Variants in DNAL1 observed in about 807,000 individuals in gnomAD.
DNAL1 encodes dynein axonemal light chain 1, also known as chromosome 14 open reading frame 168.
Under a neutral mutation model 29.4 loss-of-function variants are expected in DNAL1, and 17 were observed. The ratio of observed to expected loss-of-function variants is 0.58; its 90% CI spans 0.40 to 0.87. The LOEUF (loss-of-function observed/expected upper bound fraction) is 0.87, where lower values mean the gene tolerates loss of function less well. DNAL1 is among the 40% of genes least tolerant of loss of function. DNAL1 has a pLI of 0.00. For synonymous variants in DNAL1, 78 were observed against 76.3 expected, an observed-to-expected ratio of 1.02 and a Z score of -0.12; for missense variants, 188 against 214.1, an observed-to-expected ratio of 0.88 and a Z score of 0.76.
At chr14:73,685,489 T>A (rs1247303743) in intron 5 of DNAL1, among the ~76,000 whole-genome samples, 1 of 150,586 alleles carries the variant, frequency 6.6e-6, no homozygotes, top group African/African-American at 2.5e-5. Flanking sequence ...AGACTGAGTC[T>A]CACTGTATCG....
At chr14:73,670,305 T>C (rs1206837901) in intron 4 of DNAL1, among the ~76,000 whole-genome samples, 1 of 152,212 alleles carries the variant, frequency 6.6e-6, no homozygotes, top group African/African-American at 2.4e-5. Flanking sequence ...TATTAAGCAC[T>C]ATGAAATGTG....
At chr14:73,669,951 A>G (rs1191527966) in intron 4 of DNAL1, among the ~76,000 whole-genome samples, 5 of 151,740 alleles carry the variant, frequency 3.3e-5, no homozygotes, top group African/African-American at 1.2e-4. Context: ...AAATAAATTG[A>G]AGTTATATAT....
At chr14:73,678,481 T>G (rs980369070) in intron 5 of DNAL1, among the ~76,000 whole-genome samples, 1 of 151,376 alleles carries the variant, frequency 6.6e-6, no homozygotes, top group Non-Finnish European at 1.5e-5. Flanking sequence ...CTCAGTTATG[T>G]AAAGTATTCA....
rs8003105 is a variant in DNAL1 at position 73,696,142 on chromosome 14, C to G, written c.*200C>G. ...ACTGGTAATGCCAACCTTATATATC[C>G]TATTTCTCTTTTTAGAAACCACAAA... On this transcript the variant is annotated 3_prime_UTR_variant, in exon 8 of 8. Transcript: ENST00000553645. 0.15 allele frequency: 78,407 copies of G among 524,502 alleles called. 7,020 individuals are homozygous for G. Among genetic ancestry groups the G allele is most frequent in the African/African-American group, 0.31 (16,001 of 50,802 alleles). 32.5% of individuals were successfully genotyped at this position (524,502 alleles called of 1,614,324 possible).
intron 1 of DNAL1, among the ~76,000 whole-genome samples, chr14:73,650,663 C>T (rs1014177194): frequency 5.3e-5 from 8 of 151,900 alleles, no homozygotes; most frequent in African/African-American, 1.5e-4. Context: ...TTTTTGGAGA[C>T]GGGAGTCTTG....
intron 5 of DNAL1, among the ~76,000 whole-genome samples, chr14:73,686,965 T>A (rs1892031851): frequency 1.3e-5 from 2 of 151,886 alleles, no homozygotes; most frequent in Admixed American, 1.3e-4. Flanking sequence ...TGCCATTATT[T>A]CCCCTCTTGG....
chr14:73,658,766 A>T, intron 2 of DNAL1, 81 bp from the exon 3 acceptor site: 1 of 1,026,398 alleles, frequency 9.7e-7, no homozygotes, highest in Non-Finnish European at 1.5e-6. Flanking sequence ...ATAAACATGG[A>T]AAAGCCTTAG....
intron 5 of DNAL1, among the ~76,000 whole-genome samples, chr14:73,678,511 C>A: frequency 1.7e-5 from 2 of 118,172 alleles, no homozygotes; most frequent in East Asian, 2.6e-4. Flanking sequence ...AGCAGGTATT[C>A]TTTTTTTTTT....
chr14:73,663,952 G>A (rs8012224), intron 4 of DNAL1, among the ~76,000 whole-genome samples: 125,358 of 152,160 alleles, frequency 0.82, 52,347 homozygotes, highest in African/African-American at 0.95. Flanking sequence ...TCTCTAGGCA[G>A]GCATCAAAGC....
In DNAL1 at chr14:73,696,208, G is replaced by T; in HGVS notation, c.*266G>T. Reference sequence around the variant, plus strand: ...TTCAGTCTCAGTTACGTACTGTGTAGCCCCATCTACTAAAACAAAACCTTT... The same window carrying T: ...TTCAGTCTCAGTTACGTACTGTGTATCCCCATCTACTAAAACAAAACCTTT... On this transcript the variant is annotated 3_prime_UTR_variant, in exon 8 of 8. Coordinates refer to ENST00000553645, the MANE Select transcript of DNAL1 (RefSeq NM_031427.4). 3.7e-6 allele frequency: 1 copy of T among 269,786 alleles called. No individual in the cohort carries two copies. Among genetic ancestry groups the T allele is most frequent in the African/African-American group, 2.2e-5 (1 of 45,328 alleles). 16.7% of individuals were successfully genotyped at this position (269,786 alleles called of 1,614,324 possible).
intron 5 of DNAL1, among the ~76,000 whole-genome samples, chr14:73,674,075 G>A (rs1277452195): frequency 4.0e-5 from 6 of 151,696 alleles, no homozygotes; most frequent in Non-Finnish European, 8.8e-5. Flanking sequence ...GAAGGAAAGG[G>A]GTTGATTTAT....
intron 4 of DNAL1, among the ~76,000 whole-genome samples, chr14:73,665,789 CAA>C (rs762807613): frequency 7.9e-5 from 8 of 100,910 alleles, no homozygotes; most frequent in Non-Finnish European, 8.4e-5. Flanking sequence ...AGACTCATCT[CAA>C]AAAAAAAAAA....
Position 73,649,443 on chromosome 14 carries a change from C to T in DNAL1, c.3+4401C>T, listed in dbSNP as rs375925401. ...GACTACAGGCGCCTGCCACCACGCCCGGCACATTTTTTGTATTTTTAGTAG... is the reference window on the plus strand; with the variant it reads ...GACTACAGGCGCCTGCCACCACGCCTGGCACATTTTTTGTATTTTTAGTAG... On this transcript the variant is annotated intron_variant, in intron 1 of 7. Transcript: ENST00000553645. Among the ~76,000 whole-genome samples, 59 of 150,920 alleles carry T rather than the reference C, an allele frequency of 3.9e-4. 1 individual carries two copies. The East Asian group carries it at 5.5e-3, about 14-fold the overall frequency.
At chr14:73,675,885 C>T (rs1324506822) in intron 5 of DNAL1, among the ~76,000 whole-genome samples, 3 of 151,924 alleles carry the variant, frequency 2.0e-5, no homozygotes, top group Non-Finnish European at 2.9e-5. Context: ...CCTGGTGGCG[C>T]GTGCCTGTAA....
chr14:73,675,110 C>G (rs1891700347), intron 5 of DNAL1, among the ~76,000 whole-genome samples: 1 of 151,852 alleles, frequency 6.6e-6, no homozygotes, highest in African/African-American at 2.4e-5. Context: ...GCCACCACGC[C>G]TGGCTGAGTA....
At chr14:73,645,734 A>C (rs1207602874) in intron 1 of DNAL1, among the ~76,000 whole-genome samples, 1 of 152,180 alleles carries the variant, frequency 6.6e-6, no homozygotes, top group Non-Finnish European at 1.5e-5. Flanking sequence ...TTAGGTTTGA[A>C]ATCTACCAGC....
At chr14:73,677,618 A>G (rs1307778539) in intron 5 of DNAL1, among the ~76,000 whole-genome samples, 1 of 147,356 alleles carries the variant, frequency 6.8e-6, no homozygotes, top group African/African-American at 2.5e-5. Context: ...GTGCAGTGGC[A>G]TGATCTTGGC....
intron 5 of DNAL1, among the ~76,000 whole-genome samples, chr14:73,687,055 G>A (rs1209972450): frequency 6.8e-6 from 1 of 147,032 alleles, no homozygotes; most frequent in African/African-American, 2.5e-5. Context: ...GAAGAGTTCA[G>A]ATTAGTTTGA....
chr14:73,679,442 A>G (rs2140050558), intron 5 of DNAL1, among the ~76,000 whole-genome samples: 1 of 152,348 alleles, frequency 6.6e-6, no homozygotes, highest in African/African-American at 2.4e-5. Flanking sequence ...ATAATAGCCA[A>G]AAGGTGGAAG....
Sources: gnomAD v4.1 joint callset for allele counts (sites outside exome capture counted in the v4.1 genomes callset) on GRCh38, gnomAD v4.1.1 for gene constraint, MANE v1.5 for transcripts, NCBI Gene and HGNC (gene_info 2026-07-23, HGNC 2026-07-21) for gene names.